Variants in SPPL3 observed in about 807,000 individuals in gnomAD.
SPPL3 encodes signal peptide peptidase-like 3.
A neutral mutation model predicts 42.4 loss-of-function variants in SPPL3; 5 were observed. That is an observed-to-expected ratio of 0.12 (90% CI 0.06 to 0.25). SPPL3 has a LOEUF of 0.25. Among genes scored for constraint, SPPL3 ranks in the 10% least tolerant of loss-of-function variants. The pLI, the probability that SPPL3 is intolerant of heterozygous loss-of-function variation, is 1.00. For missense variants in SPPL3, 235 were observed against 489.0 expected (o/e 0.48, Z 4.90); for synonymous variants, 195 against 181.8 (o/e 1.07, Z -0.58).
chr12:120,882,036 G>GT lies in SPPL3; in HGVS notation c.23+21808dup, dbSNP rs1350922336. On this transcript the variant is annotated intron_variant, in intron 1 of 10. Coordinates refer to ENST00000353487, the MANE Select transcript of SPPL3 (RefSeq NM_139015.5). ...AAATGGAAATTTCCAGAAAAAAGTCGTAAGTTTTAAAGTGTGGACCATTCT... is the reference window on the plus strand; with the variant it reads ...AAATGGAAATTTCCAGAAAAAAGTCGTTAAGTTTTAAAGTGTGGACCATTCT... Among the ~76,000 whole-genome samples, 5 of 152,090 alleles carry GT rather than the reference G, an allele frequency of 3.3e-5. No homozygotes were observed. The South Asian group carries it at 1.0e-3, about 32-fold the overall frequency.
intron 1 of SPPL3, among the ~76,000 whole-genome samples, chr12:120,832,653 C>T (rs985374144): frequency 2.7e-5 from 4 of 150,256 alleles, no homozygotes; most frequent in African/African-American, 4.9e-5. Context: ...GGAACAAGAA[C>T]GAAACTCCGT....
intron 1 of SPPL3, among the ~76,000 whole-genome samples, chr12:120,861,966 G>A (rs776773915): frequency 3.3e-5 from 5 of 152,032 alleles, no homozygotes; most frequent in Non-Finnish European, 7.4e-5. Context: ...CATACTTGAA[G>A]GTATTAAGAT....
At chr12:120,822,379 C>T (rs1871098410) in intron 1 of SPPL3, among the ~76,000 whole-genome samples, 2 of 152,162 alleles carry the variant, frequency 1.3e-5, no homozygotes, top group African/African-American at 4.8e-5. Flanking sequence ...AGATTATTCC[C>T]TGCCATTTAA....
chr12:120,779,154 A>G (rs1869435029), intron 6 of SPPL3, among the ~76,000 whole-genome samples: 1 of 152,270 alleles, frequency 6.6e-6, no homozygotes, highest in African/African-American at 2.4e-5. Context: ...AAGATCAGTC[A>G]TACAAAGTAT....
chr12:120,782,561 T>C (rs1869581118), intron 6 of SPPL3, 94 bp downstream of exon 6: 1 of 968,800 alleles, frequency 1.0e-6, no homozygotes, highest in Non-Finnish European at 1.5e-6. Context: ...TAAAAGTTTA[T>C]TGTAGTGATG....
At position 120,772,247 on chromosome 12, in the gene SPPL3, C is replaced by G. The variant is rs1441990537; in HGVS notation, c.503-3188G>C. ...ATGTTGGTCAGGCTGGTCTCAAACT[C>G]CTGACCTCAGGTGATCCACCCACCC... On this transcript the variant is annotated intron_variant, in intron 6 of 10. Transcript: ENST00000353487. 4.6e-5 allele frequency among the ~76,000 whole-genome samples: 7 copies of G among 152,170 alleles called. No individual in the cohort carries two copies. In the South Asian group the frequency reaches 1.4e-3, roughly 32 times the overall value.
intron 2 of SPPL3, 25 bp downstream of exon 2, chr12:120,810,784 T>C (rs933441491): frequency 1.9e-6 from 3 of 1,568,364 alleles, no homozygotes; most frequent in Non-Finnish European, 2.6e-6. Flanking sequence ...CCAACTTGTA[T>C]CAACCCCATT....
intron 1 of SPPL3, among the ~76,000 whole-genome samples, chr12:120,847,646 G>A (rs368088068): frequency 4.6e-5 from 7 of 151,658 alleles, no homozygotes. Flanking sequence ...GCCCAGGACG[G>A]TTTGAAACTC....
intron 1 of SPPL3, among the ~76,000 whole-genome samples, chr12:120,899,191 T>C (rs922120813): frequency 6.6e-6 from 1 of 152,262 alleles, no homozygotes; most frequent in African/African-American, 2.4e-5. Context: ...AAGATTCTGA[T>C]GTTACTACCA....
At chr12:120,845,724 T>TG (rs35561904) in intron 1 of SPPL3, 125,100 of 264,936 alleles carry the variant, frequency 0.47, 29,960 homozygotes, top group East Asian at 0.53. Context: ...AGCCAGGTAC[T>TG]GTTTTGCTCC....
intron 1 of SPPL3, among the ~76,000 whole-genome samples, chr12:120,899,590 G>A (rs1203659318): frequency 6.6e-6 from 1 of 152,016 alleles, no homozygotes; most frequent in Non-Finnish European, 1.5e-5. Context: ...AGAACTGTAA[G>A]TATTAAAAAT....
At chr12:120,821,002 T>C (rs1027006500) in intron 1 of SPPL3, among the ~76,000 whole-genome samples, 1 of 152,198 alleles carries the variant, frequency 6.6e-6, no homozygotes, top group Admixed American at 6.5e-5. Flanking sequence ...ATATACTATA[T>C]GTTAATATTT....
intron 1 of SPPL3, among the ~76,000 whole-genome samples, chr12:120,897,829 G>A (rs1389355699): frequency 6.6e-6 from 1 of 152,080 alleles, no homozygotes; most frequent in African/African-American, 2.4e-5. Flanking sequence ...AATTGGATAT[G>A]ATCATACCAG....
At chr12:120,776,376 T>C (rs970616148) in intron 6 of SPPL3, among the ~76,000 whole-genome samples, 2 of 152,194 alleles carry the variant, frequency 1.3e-5, no homozygotes, top group East Asian at 1.9e-4. Context: ...CTGTACAGTC[T>C]AGAGGAAGGG....
intron 1 of SPPL3, among the ~76,000 whole-genome samples, chr12:120,824,601 C>T (rs1871181529): frequency 6.6e-6 from 1 of 152,204 alleles, no homozygotes; most frequent in Non-Finnish European, 1.5e-5. Context: ...ATGATCACGG[C>T]TCACTGCAGC....
intron 1 of SPPL3, among the ~76,000 whole-genome samples, chr12:120,887,770 CCTTA>C (rs1873508711): frequency 6.6e-6 from 1 of 152,084 alleles, no homozygotes; most frequent in African/African-American, 2.4e-5. Context: ...CTCTACAAAC[CCTTA>C]ATTAAATATA....
intron 3 of SPPL3, 119 bp downstream of exon 3, chr12:120,791,350 A>G (rs2136985850): frequency 1.6e-6 from 1 of 633,464 alleles, no homozygotes; most frequent in East Asian, 3.0e-5. Flanking sequence ...AGTATAATTC[A>G]ATGTTTTTTT....
chr12:120,766,519 A>C (rs1177738715), intron 9 of SPPL3, 147 bp from the exon 10 acceptor site: 6 of 572,816 alleles, frequency 1.0e-5, no homozygotes, highest in Non-Finnish European at 1.5e-5. Context: ...TGGGCAGTTG[A>C]AGAAATGTGG....
chr12:120,769,603 T>C (rs892952299), intron 6 of SPPL3: 2 of 153,418 alleles, frequency 1.3e-5, no homozygotes, highest in African/African-American at 4.8e-5. Flanking sequence ...CAGGCTGGAG[T>C]GCAGTGGCAC....
Sources: gnomAD v4.1 joint callset for allele counts (sites outside exome capture counted in the v4.1 genomes callset) on GRCh38, gnomAD v4.1.1 for gene constraint, MANE v1.5 for transcripts, NCBI Gene and HGNC (gene_info 2026-07-23, HGNC 2026-07-21) for gene names.